Variants in PDE1C observed in about 807,000 individuals in gnomAD.
PDE1C encodes the protein dual specificity calcium/calmodulin-dependent 3',5'-cyclic nucleotide phosphodiesterase 1C.
In PDE1C, 62 loss-of-function variants were observed where a neutral mutation model predicts 93.1. The observed-to-expected ratio is 0.67, with a 90% CI of 0.54 to 0.82. The LOEUF (loss-of-function observed/expected upper bound fraction) is 0.82. Ranked by LOEUF, PDE1C falls within the 40% of genes least tolerant of loss-of-function variation. PDE1C has a pLI of 0.00. For synonymous variants in PDE1C, 325 were observed against 310.1 expected, an observed-to-expected ratio of 1.05 and a Z score of -0.50; for missense variants, 742 against 884.6, an observed-to-expected ratio of 0.84 and a Z score of 2.04.
At chr7:32,123,480 A>AAATC (rs1395154475) in intron 3 of PDE1C, among the ~76,000 whole-genome samples, 1 of 151,852 alleles carries the variant, frequency 6.6e-6, no homozygotes, top group Admixed American at 6.6e-5. Flanking sequence ...CCGGCAAACC[A>AAATC]CTGGCACATC....
chr7:31,692,601 G>A, the PDE1C span: 2 of 1,380,502 alleles, frequency 1.4e-6, no homozygotes. Flanking sequence ...TTGCAGGCAA[G>A]TCAGAGAGAG....
chr7:32,205,641 A>G (rs1326773042), intron 2 of PDE1C, among the ~76,000 whole-genome samples: 10 of 152,316 alleles, frequency 6.6e-5, no homozygotes, highest in Admixed American at 4.6e-4. Flanking sequence ...TGTGCCCTGC[A>G]GAAGCTTTGT....
intron 1 of PDE1C, among the ~76,000 whole-genome samples, chr7:32,319,981 CA>C (rs1317332154): frequency 6.6e-6 from 1 of 152,116 alleles, no homozygotes; most frequent in Non-Finnish European, 1.5e-5. Flanking sequence ...CCCAGAGTCC[CA>C]CGGTCTTAGG....
chr7:31,692,484 G>T, the PDE1C span: 1 of 1,611,882 alleles, frequency 6.2e-7, no homozygotes, highest in East Asian at 2.2e-5. Context: ...ACTCTCAGAA[G>T]ACAGACTGGA....
At position 32,134,304 on chromosome 7, in the gene PDE1C, C is replaced by T. The variant is rs919041968; in HGVS notation, c.308+35481G>A. On this transcript the variant is annotated intron_variant, in intron 3 of 18. Coordinates refer to the PDE1C transcript ENST00000396193. ...GTACAGATTCAGGAAGTTTAGAAAA[C>T]CCCAAAAAGAATTCATTCAAGAAAG... 3.3e-5 allele frequency among the ~76,000 whole-genome samples: 5 copies of T among 152,138 alleles called. 1 individual carries two copies. The East Asian group carries it at 9.7e-4, about 29-fold the overall frequency.
intron 8 of PDE1C, among the ~76,000 whole-genome samples, chr7:31,849,824 A>G (rs1232802144): frequency 6.6e-6 from 1 of 152,090 alleles, no homozygotes; most frequent in African/African-American, 2.4e-5. Flanking sequence ...CATTGTCTTA[A>G]GAGAGGGCAA....
At chr7:32,170,085 C>T in intron 2 of PDE1C, 1 of 793,344 alleles carries the variant, frequency 1.3e-6, no homozygotes. Context: ...TCTCCGCCAA[C>T]ATTACAGAGT....
intron 1 of PDE1C, among the ~76,000 whole-genome samples, chr7:32,320,622 T>TACACACACAC (rs58913478): frequency 6.7e-6 from 1 of 149,554 alleles, no homozygotes; most frequent in Non-Finnish European, 1.5e-5. Context: ...GGCACACACA[T>TACACACACAC]ACACACACAC....
intron 3 of PDE1C, among the ~76,000 whole-genome samples, chr7:32,126,149 T>G (rs1278960278): frequency 6.6e-6 from 1 of 152,008 alleles, no homozygotes; most frequent in Non-Finnish European, 1.5e-5. Context: ...TATTCCTGCA[T>G]AAAAGAAAGT....
At chr7:32,237,765 T>TACAC (rs1562607094) in intron 1 of PDE1C, among the ~76,000 whole-genome samples, 5 of 74,046 alleles carry the variant, frequency 6.8e-5, no homozygotes, top group Non-Finnish European at 7.4e-5. Flanking sequence ...TATATATACT[T>TACAC]TTTTTTTTTT....
At chr7:31,763,046 A>G (rs1794932290) in intron 17 of PDE1C, among the ~76,000 whole-genome samples, 1 of 152,128 alleles carries the variant, frequency 6.6e-6, no homozygotes, top group African/African-American at 2.4e-5. Context: ...CTCTGAAGTA[A>G]TTGATCACCC....
chr7:32,331,570 G>C (rs1347462833), intron 1 of PDE1C, among the ~76,000 whole-genome samples: 1 of 152,128 alleles, frequency 6.6e-6, no homozygotes, highest in Admixed American at 6.5e-5. Context: ...GGGTTGGAGG[G>C]GCAAGTGTGG....
At chr7:31,635,676 A>C in the PDE1C span, among the ~76,000 whole-genome samples, 1 of 152,276 alleles carries the variant, frequency 6.6e-6, no homozygotes, top group Non-Finnish European at 1.5e-5. Context: ...TCATGCTGCT[A>C]TGAAGAAATA....
At chr7:31,761,451 G>GT (rs1794829292) in intron 17 of PDE1C, among the ~76,000 whole-genome samples, 1 of 152,182 alleles carries the variant, frequency 6.6e-6, no homozygotes. Context: ...GGCTCAGGAA[G>GT]TAACTACATT....
chr7:31,621,768 A>C, the PDE1C span, among the ~76,000 whole-genome samples: 1 of 148,566 alleles, frequency 6.7e-6, no homozygotes, highest in African/African-American at 2.5e-5. Flanking sequence ...ATTAACTTTA[A>C]ATGTAAATGG....
At chr7:31,627,518 T>C in the PDE1C span, among the ~76,000 whole-genome samples, 1 of 151,926 alleles carries the variant, frequency 6.6e-6, no homozygotes, top group East Asian at 1.9e-4. Context: ...ATTAGTCCAA[T>C]GGGATGGTGC....
chr7:31,642,678 A>G, the PDE1C span: 26 of 1,612,300 alleles, frequency 1.6e-5, no homozygotes, highest in Middle Eastern at 4.9e-4. Flanking sequence ...GGTTTCCCCT[A>G]CAGATGCCTT....
At chr7:31,888,925 C>T (rs534354519) in intron 2 of PDE1C, among the ~76,000 whole-genome samples, 4 of 152,156 alleles carry the variant, frequency 2.6e-5, no homozygotes, top group South Asian at 4.1e-4. Flanking sequence ...AACATCAAAA[C>T]GAAACAGTTT....
intron 2 of PDE1C, among the ~76,000 whole-genome samples, chr7:31,967,878 T>C (rs1196432848): frequency 6.6e-6 from 1 of 152,258 alleles, no homozygotes; most frequent in Admixed American, 6.5e-5. Context: ...TCTCAATAGA[T>C]GCAGAAAAGG....
Sources: allele counts gnomAD v4.1 joint callset (sites outside exome capture counted in the v4.1 genomes callset), GRCh38; gene constraint gnomAD v4.1.1; transcripts MANE v1.5; gene names NCBI Gene and HGNC (gene_info 2026-07-23, HGNC 2026-07-21).